Variants in SNX29 observed in about 807,000 individuals in gnomAD.
The protein encoded by SNX29 is sorting nexin-29.
SNX29 carries 78 observed loss-of-function variants against 102.1 expected under a neutral mutation model. The observed-to-expected ratio is 0.76, with a 90% confidence interval of 0.64 to 0.92. The LOEUF (loss-of-function observed/expected upper bound fraction) is 0.92. Among genes scored for constraint, SNX29 ranks in the 40% least tolerant of loss-of-function variants. The probability of loss-of-function intolerance (pLI) is 0.00; values close to 1 mark genes in which losing one functional copy is unlikely to be tolerated. For synonymous variants in SNX29, 580 were observed against 414.5 expected (o/e 1.40, Z -4.85); for missense variants, 1,280 against 1,061.7 (o/e 1.21, Z -2.86).
chr16:12,319,153 G>T (rs1812642644), intron 15 of SNX29, among the ~76,000 whole-genome samples: 1 of 152,206 alleles, frequency 6.6e-6, no homozygotes, highest in South Asian at 2.1e-4. Flanking sequence ...TCCAGCCCTT[G>T]TATAAGGGCA....
At chr16:12,519,832 A>G (rs2090025586) in intron 19 of SNX29, among the ~76,000 whole-genome samples, 1 of 151,970 alleles carries the variant, frequency 6.6e-6, no homozygotes, top group Admixed American at 6.6e-5. Flanking sequence ...ACATGGCGAA[A>G]CCCTGTCTCT....
At chr16:12,566,449 G>C (rs1308235538) in intron 20 of SNX29, among the ~76,000 whole-genome samples, 2 of 152,148 alleles carry the variant, frequency 1.3e-5, no homozygotes, top group Non-Finnish European at 2.9e-5. Context: ...TCTGGTCATT[G>C]CAGGGCAGGG....
chr16:12,233,439 A>AG (rs112721160), intron 14 of SNX29, among the ~76,000 whole-genome samples: 5,867 of 152,202 alleles, frequency 0.039, 405 homozygotes, highest in African/African-American at 0.14. Context: ...GGCTACAAGA[A>AG]GGGGAGGAAG....
At chr16:12,406,003 G>T (rs1243320803) in intron 18 of SNX29, among the ~76,000 whole-genome samples, 1 of 151,650 alleles carries the variant, frequency 6.6e-6, no homozygotes, top group Non-Finnish European at 1.5e-5. Flanking sequence ...TTGCACTCCA[G>T]ACTGGGTGAC....
At chr16:12,161,511 C>A (rs1331845643) in intron 13 of SNX29, among the ~76,000 whole-genome samples, 3 of 152,178 alleles carry the variant, frequency 2.0e-5, no homozygotes, top group African/African-American at 7.2e-5. Context: ...CCACTGTCTA[C>A]CTTACCCTTC....
intron 2 of SNX29, among the ~76,000 whole-genome samples, chr16:12,000,841 G>T (rs1442710705): frequency 6.6e-6 from 1 of 152,150 alleles, no homozygotes; most frequent in Non-Finnish European, 1.5e-5. Context: ...TGTGTACAGG[G>T]ACAACTCGTG....
intron 16 of SNX29, among the ~76,000 whole-genome samples, chr16:12,366,193 C>G (rs9944312): frequency 6.6e-6 from 1 of 151,944 alleles, no homozygotes; most frequent in South Asian, 2.1e-4. Flanking sequence ...GATAGTCTTC[C>G]TTACTGTGGG....
intron 13 of SNX29, among the ~76,000 whole-genome samples, chr16:12,199,036 G>T (rs960899832): frequency 2.0e-5 from 3 of 152,114 alleles, no homozygotes; most frequent in African/African-American, 7.2e-5. Context: ...CATGGGGGTG[G>T]ATGTGGAGTT....
intron 18 of SNX29, among the ~76,000 whole-genome samples, chr16:12,426,551 C>A (rs1237608322): frequency 6.6e-6 from 1 of 152,142 alleles, no homozygotes; most frequent in African/African-American, 2.4e-5. Flanking sequence ...CTATAGAAAA[C>A]CCCAGGAAGG....
rs576289869 is a variant in SNX29 at position 12,572,486 on chromosome 16, G to T, written c.*3857G>T. 2 of 1,063,994 alleles carry T rather than the reference G, an allele frequency of 1.9e-6. No individual in the cohort carries two copies. The highest frequency in any genetic ancestry group is 2.3e-6 in the Non-Finnish European group (2 of 878,452). 65.9% of individuals were successfully genotyped at this position (1,063,994 alleles called of 1,614,324 possible). A position where few individuals can be genotyped will look rare whatever the true frequency, so the allele number is the denominator to read the frequency against. ...GCCAACCCTGAGGACCAGTTCTTGG[G>T]GTTCCAGGCCTCGGCCTTCCTGCTC... On this transcript the variant is annotated 3_prime_UTR_variant, in exon 21 of 21. Coordinates refer to ENST00000566228, the MANE Select transcript of SNX29 (RefSeq NM_032167.5).
At chr16:12,280,675 T>C (rs2079403124) in intron 15 of SNX29, among the ~76,000 whole-genome samples, 1 of 152,246 alleles carries the variant, frequency 6.6e-6, no homozygotes, top group Admixed American at 6.5e-5. Context: ...AGACAGGTTC[T>C]GCCGGTGATC....
chr16:12,454,195 G>C (rs7191814), intron 18 of SNX29, among the ~76,000 whole-genome samples: 101,743 of 151,996 alleles, frequency 0.67, 35,108 homozygotes, highest in African/African-American at 0.84. Context: ...GATATGATAG[G>C]TGGAACTCCA....
intron 11 of SNX29, among the ~76,000 whole-genome samples, chr16:12,082,155 G>A (rs2051929295): frequency 6.6e-6 from 1 of 151,698 alleles, no homozygotes. Context: ...ACTTGACTCT[G>A]GCTGTGAGGC....
At chr16:12,390,013 A>T in intron 16 of SNX29, among the ~76,000 whole-genome samples, 1 of 152,290 alleles carries the variant, frequency 6.6e-6, no homozygotes, top group East Asian at 1.9e-4. Context: ...GAATAGTTCT[A>T]TATTGGTAGC....
At chr16:12,494,276 C>T (rs1407726902) in intron 19 of SNX29, among the ~76,000 whole-genome samples, 1 of 152,170 alleles carries the variant, frequency 6.6e-6, no homozygotes, top group African/African-American at 2.4e-5. Flanking sequence ...CTCCCTGTGC[C>T]TCCTGCGTGC....
At chr16:12,059,220 G>A (rs146938558) in intron 8 of SNX29, among the ~76,000 whole-genome samples, 12 of 152,288 alleles carry the variant, frequency 7.9e-5, no homozygotes, top group African/African-American at 1.7e-4. Flanking sequence ...GCAGAACATC[G>A]CACCTGCCCT....
chr16:12,510,721 C>T (rs188502100), intron 19 of SNX29, among the ~76,000 whole-genome samples: 7 of 152,084 alleles, frequency 4.6e-5, no homozygotes, highest in Non-Finnish European at 7.4e-5. Flanking sequence ...CTTTTTCCTC[C>T]TCTCCTCCCC....
chr16:12,212,340 G>A (rs944615221), intron 14 of SNX29, among the ~76,000 whole-genome samples: 6 of 152,182 alleles, frequency 3.9e-5, no homozygotes, highest in Non-Finnish European at 7.3e-5. Flanking sequence ...TTGACTTTCC[G>A]CTTCTCAGGA....
Position 12,061,573 on chromosome 16 carries a change from T to C in SNX29, c.1170T>C (p.Ala390=). Residue 390 remains alanine, a synonymous_variant, in exon 9 of 21, where the codon GCT becomes GCC. Coordinates refer to ENST00000566228, the MANE Select transcript of SNX29 (RefSeq NM_032167.5). ...NTCLSQMHSW[A]PLKVLHNDSD... is the part of the protein sequence containing the mutation. Reference sequence around the variant, plus strand: ...GCCTCTCCCAGATGCACAGCTGGGCTCCGCTGAAGGTGCTGCACAATGACT... The same window carrying C: ...GCCTCTCCCAGATGCACAGCTGGGCCCCGCTGAAGGTGCTGCACAATGACT... The C allele has an allele frequency of 6.2e-7, 1 of 1,611,160 alleles. No individual in the cohort carries two copies. The highest frequency in any genetic ancestry group is 8.5e-7 in the Non-Finnish European group (1 of 1,179,048).
Sources: allele counts gnomAD v4.1 joint callset (sites outside exome capture counted in the v4.1 genomes callset), GRCh38; gene constraint gnomAD v4.1.1; transcripts MANE v1.5; gene names NCBI Gene and HGNC (gene_info 2026-07-23, HGNC 2026-07-21).